ARHGAP42: variants seen among roughly 807,000 people sequenced by gnomAD.
The protein encoded by ARHGAP42 is Rho GTPase activating protein 42.
ARHGAP42 carries 63 observed loss-of-function variants against 125.0 expected under a neutral mutation model. The ratio of observed to expected loss-of-function variants is 0.50; its 90% confidence interval spans 0.41 to 0.62. ARHGAP42 has a LOEUF of 0.62. Among genes scored for constraint, ARHGAP42 ranks in the 20% least tolerant of loss-of-function variants. ARHGAP42 has a pLI of 0.00. For missense variants in ARHGAP42, 766 were observed against 1,024.2 expected (o/e 0.75, Z 3.44); for synonymous variants, 339 against 351.0 (o/e 0.97, Z 0.38).
intron 16 of ARHGAP42, 83 bp from the exon 17 acceptor site, chr11:100,965,588 A>T: frequency 9.0e-7 from 1 of 1,113,920 alleles, no homozygotes. Context: ...TAGGAGTGGT[A>T]ATTGTGATTA....
At position 100,820,354 on chromosome 11, in the gene ARHGAP42, A is replaced by G. The variant is rs115151325; in HGVS notation, c.312+25188A>G. Among the ~76,000 whole-genome samples the G allele has an allele frequency of 9.6e-3, 1,466 of 152,186 alleles. 18 individuals are homozygous for G. Among genetic ancestry groups the G allele is most frequent in the African/African-American group, 0.033 (1,391 of 41,536 alleles). ...GAGGCTACCATGGCCATATTTGCCTATTTGCCAAATGATGTCAGTTGCAGA... is the reference window on the plus strand; with the variant it reads ...GAGGCTACCATGGCCATATTTGCCTGTTTGCCAAATGATGTCAGTTGCAGA... On this transcript the variant is annotated intron_variant, in intron 3 of 23. Transcript: ENST00000298815.
intron 1 of ARHGAP42, among the ~76,000 whole-genome samples, chr11:100,692,915 C>CTT (rs1252478613): frequency 2.0e-5 from 3 of 152,188 alleles, no homozygotes; most frequent in African/African-American, 7.2e-5. Context: ...ACTAATGCAA[C>CTT]TTAGCCTTTT....
At chr11:100,862,872 T>TA (rs1382081894) in intron 4 of ARHGAP42, among the ~76,000 whole-genome samples, 2 of 151,054 alleles carry the variant, frequency 1.3e-5, no homozygotes, top group Admixed American at 6.6e-5. Context: ...CATCCTCTAC[T>TA]AAAAAAAATA....
intron 4 of ARHGAP42, among the ~76,000 whole-genome samples, chr11:100,877,443 TAC>T (rs1369740145): frequency 6.6e-6 from 1 of 152,242 alleles, no homozygotes; most frequent in Admixed American, 6.5e-5. Flanking sequence ...CTCTGTATAT[TAC>T]ACTTTCAGGA....
intron 4 of ARHGAP42, among the ~76,000 whole-genome samples, chr11:100,867,354 C>A (rs1865593909): frequency 6.6e-6 from 1 of 152,242 alleles, no homozygotes; most frequent in African/African-American, 2.4e-5. Flanking sequence ...TTTGGTGTAG[C>A]CACCTTCATC....
intron 8 of ARHGAP42, among the ~76,000 whole-genome samples, chr11:100,938,536 G>A (rs1212399043): frequency 7.2e-5 from 11 of 151,992 alleles, no homozygotes; most frequent in African/African-American, 2.7e-4. Flanking sequence ...AATTGCACCT[G>A]CTTAAAACAT....
chr11:100,878,882 TAC>T (rs893137933), intron 4 of ARHGAP42, among the ~76,000 whole-genome samples: 40 of 152,052 alleles, frequency 2.6e-4, no homozygotes, highest in African/African-American at 9.4e-4. Flanking sequence ...TTTGGGGAGT[TAC>T]ATATATATAT....
chr11:100,853,041 A>G (rs1034373307), intron 3 of ARHGAP42, among the ~76,000 whole-genome samples: 3 of 152,312 alleles, frequency 2.0e-5, no homozygotes, highest in South Asian at 2.1e-4. Flanking sequence ...ACATAATTTA[A>G]ATATCTTCCC....
chr11:100,942,924 G>A (rs1362625667), intron 9 of ARHGAP42, among the ~76,000 whole-genome samples: 1 of 152,076 alleles, frequency 6.6e-6, no homozygotes, highest in Non-Finnish European at 1.5e-5. Context: ...AATAATGTAA[G>A]TAGACCAAGC....
At chr11:100,884,860 A>C (rs1261997004) in intron 4 of ARHGAP42, among the ~76,000 whole-genome samples, 1 of 152,202 alleles carries the variant, frequency 6.6e-6, no homozygotes, top group Non-Finnish European at 1.5e-5. Context: ...AATGGCAGTG[A>C]AAATAGGAAA....
At chr11:100,704,298 C>T (rs1861443827) in intron 1 of ARHGAP42, among the ~76,000 whole-genome samples, 1 of 152,002 alleles carries the variant, frequency 6.6e-6, no homozygotes, top group Non-Finnish European at 1.5e-5. Flanking sequence ...AGCTCAGGCC[C>T]GGGGTTGAGG....
At chr11:100,966,523 T>C (rs1858099319) in intron 17 of ARHGAP42, among the ~76,000 whole-genome samples, 1 of 152,128 alleles carries the variant, frequency 6.6e-6, no homozygotes, top group African/African-American at 2.4e-5. Context: ...TTTTTTCTTT[T>C]AAGATCTTCA....
At chr11:100,736,591 C>T (rs1412205576) in intron 1 of ARHGAP42, among the ~76,000 whole-genome samples, 4 of 152,150 alleles carry the variant, frequency 2.6e-5, no homozygotes, top group Non-Finnish European at 4.4e-5. Context: ...CTGTCTTTCT[C>T]TCTTTCTTTT....
At chr11:100,976,012 T>C (rs1224451204) in intron 19 of ARHGAP42, 45 bp from the exon 20 acceptor site, 1 of 1,460,132 alleles carries the variant, frequency 6.8e-7, no homozygotes, top group Non-Finnish European at 9.1e-7. Flanking sequence ...CTGTTATCAA[T>C]AGATAGTTAC....
At chr11:100,721,689 G>GTCT (rs953535987) in intron 1 of ARHGAP42, among the ~76,000 whole-genome samples, 3 of 152,090 alleles carry the variant, frequency 2.0e-5, no homozygotes, top group African/African-American at 7.2e-5. Flanking sequence ...GGTCAGGGTG[G>GTCT]TCTCGAGCTC....
intron 1 of ARHGAP42, among the ~76,000 whole-genome samples, chr11:100,717,306 A>G (rs1428302840): frequency 6.6e-6 from 1 of 152,168 alleles, no homozygotes; most frequent in Non-Finnish European, 1.5e-5. Flanking sequence ...CAATGTAGTA[A>G]GTTGAACTAC....
rs571600623 is a variant in ARHGAP42, at chr11:100,755,122, G to T, written c.155-15221G>T. Among the ~76,000 whole-genome samples, 6 of 152,330 alleles carry T rather than the reference G, an allele frequency of 3.9e-5. No individual in the cohort carries two copies. The South Asian group carries it at 1.2e-3, about 32-fold the overall frequency. ...GGCAGGGGGTGTGGGTGGCAGATTA[G>T]TGAGTTAAATATGCTACGGGTTAGT... On this transcript the variant is annotated intron_variant, in intron 1 of 23. Transcript: ENST00000298815.
intron 1 of ARHGAP42, among the ~76,000 whole-genome samples, chr11:100,762,155 G>A (rs941871780): frequency 2.0e-5 from 3 of 152,232 alleles, no homozygotes; most frequent in African/African-American, 7.2e-5. Flanking sequence ...AAGGGTGGAT[G>A]TATCCACTGC....
intron 1 of ARHGAP42, among the ~76,000 whole-genome samples, chr11:100,753,463 T>A (rs1446342729): frequency 6.6e-6 from 1 of 152,230 alleles, no homozygotes; most frequent in Non-Finnish European, 1.5e-5. Flanking sequence ...GCCCATCTCC[T>A]GTGCCTGTGG....
Sources: gnomAD v4.1 joint callset for allele counts (sites outside exome capture counted in the v4.1 genomes callset) on GRCh38, gnomAD v4.1.1 for gene constraint, MANE v1.5 for transcripts, NCBI Gene and HGNC (gene_info 2026-07-23, HGNC 2026-07-21) for gene names.